The following MYO5C variants were observed in gnomAD, a reference collection of about 807,000 sequenced individuals.
The protein encoded by MYO5C is myosin VC, also known as unconventional myosin-Vc.
MYO5C carries 194 observed loss-of-function variants against 235.7 expected under a neutral mutation model. The ratio of observed to expected loss-of-function variants is 0.82; its 90% confidence interval spans 0.73 to 0.93. The LOEUF is 0.93. MYO5C is among the 40% of genes least tolerant of loss of function. The pLI, the probability that MYO5C is intolerant of heterozygous loss-of-function variation, is 0.00. For missense variants in MYO5C, 2,038 were observed against 2,127.2 expected (o/e 0.96, Z 0.82); for synonymous variants, 707 against 754.8 (o/e 0.94, Z 1.04).
At chr15:52,211,457 C>G (rs1371085066) in intron 35 of MYO5C, among the ~76,000 whole-genome samples, 1 of 152,210 alleles carries the variant, frequency 6.6e-6, no homozygotes, top group Non-Finnish European at 1.5e-5. Context: ...CTATACCCCT[C>G]ACAGCTGATA....
At chr15:52,254,431 A>AG (rs1252293002) in intron 11 of MYO5C, among the ~76,000 whole-genome samples, 1 of 152,092 alleles carries the variant, frequency 6.6e-6, no homozygotes, top group Non-Finnish European at 1.5e-5. Flanking sequence ...AGTCACGTGG[A>AG]GGGTAAGCGG....
Position 52,214,622 on chromosome 15 carries a change from T to C in MYO5C, c.4023A>G (p.Leu1341=), listed in dbSNP as rs764478558. 6.2e-7 allele frequency: 1 copy of C among 1,607,462 alleles called. No homozygotes were observed. The highest frequency in any genetic ancestry group is 8.5e-7 in the Non-Finnish European group (1 of 1,176,636). ...IKKLQDQVKT[L]SKTIGKANDV... is the part of the protein sequence containing the mutation. ...TCTTACCTTTTCCAATTGTCTTGCTTAGTGTCTTGACTTGATCTTGTAGCT... is the reference window on the plus strand; with the variant it reads ...TCTTACCTTTTCCAATTGTCTTGCTCAGTGTCTTGACTTGATCTTGTAGCT... Residue 1341 remains leucine, a synonymous_variant, in exon 33 of 41, where the codon CTA becomes CTG. Transcript: ENST00000261839.
chr15:52,224,971 C>T lies in MYO5C; in HGVS notation c.3376G>A (p.Glu1126Lys), dbSNP rs2035787623. ...IEDVRSRLSV[E>K]DLEHLNEDGE... ...TCCTCATTTAAATGTTCCAGATCTT[C>T]CACAGAGAGCCTGCAAAATAAGGAA... The change falls in exon 28 of 41, where the codon GAA becomes AAA. Residue 1126 changes from glutamate to lysine, a missense_variant. Transcript: ENST00000261839. 4 of 1,614,028 alleles carry T rather than the reference C, an allele frequency of 2.5e-6. No individual in the cohort carries two copies. Among genetic ancestry groups the T allele is most frequent in the Non-Finnish European group, 3.4e-6 (4 of 1,179,970 alleles).
chr15:52,273,425 G>C (rs1344154643), intron 5 of MYO5C, among the ~76,000 whole-genome samples: 1 of 152,196 alleles, frequency 6.6e-6, no homozygotes, highest in Non-Finnish European at 1.5e-5. Flanking sequence ...CTGAATGTTT[G>C]TGTCCTCTCA....
chr15:52,211,843 G>C lies in MYO5C; in HGVS notation c.4183C>G (p.Leu1395Val). 6.2e-7 allele frequency: 1 copy of C among 1,614,076 alleles called. No individual in the cohort carries two copies. Among genetic ancestry groups the C allele is most frequent in the Non-Finnish European group, 8.5e-7 (1 of 1,179,944 alleles). The change falls in exon 35 of 41, where the codon CTG becomes GTG. Residue 1395 changes from leucine to valine, a missense_variant. By Grantham distance (32) the Leu-to-Val change is conservative. Transcript: ENST00000261839. ...RGVVVNMIPG[L>V]PAHILFMCVR... ...CACATGAACAGGATATGAGCCGGCA[G>C]CCCGGGGATCATGTTCACCACCACG...
intron 12 of MYO5C, 31 bp from the exon 13 acceptor site, chr15:52,251,546 TA>T (rs1225212426): frequency 8.3e-6 from 13 of 1,569,092 alleles, no homozygotes; most frequent in Non-Finnish European, 1.1e-5. Flanking sequence ...AAATAGCAAG[TA>T]AGAAAACCAG....
chr15:52,208,421 G>A (rs1596140501), intron 36 of MYO5C, 133 bp downstream of exon 36: 1 of 735,924 alleles, frequency 1.4e-6, no homozygotes, highest in Non-Finnish European at 2.2e-6. Context: ...TGTGGTGTAT[G>A]CCCAAGAGTC....
At position 52,225,475 on chromosome 15, in the gene MYO5C, C is replaced by G; in HGVS notation, c.3265G>C (p.Glu1089Gln). The G allele has an allele frequency of 6.2e-7, 1 of 1,613,736 alleles. No homozygotes were observed. Among genetic ancestry groups the G allele is most frequent in the Non-Finnish European group, 8.5e-7 (1 of 1,179,878 alleles). Residue 1089 changes from glutamate to glutamine, a missense_variant, in exon 26 of 41, where the codon GAG becomes CAG. Physicochemically the swap from Glu to Gln is conservative, Grantham distance 29. Transcript: ENST00000261839. ...ELLQAQKIDVEKHVQSQKREM... is the reference protein window; with the variant it reads ...ELLQAQKIDVQKHVQSQKREM... ...CGTTTTTGTGACTGCACATGTTTCTCCACATCTATCTTCTGTGCCTGAAGT... is the reference window on the plus strand; with the variant it reads ...CGTTTTTGTGACTGCACATGTTTCTGCACATCTATCTTCTGTGCCTGAAGT...
In MYO5C at chr15:52,211,774, A is replaced by T. The variant is rs2035445757; in HGVS notation, c.4252T>A (p.Ser1418Thr). ...DSLNDANMLK[S>T]LMNSTINGIK... The stretch of plus-strand genomic sequence containing the variant: ...CCATTAATGGTGCTGTTCATGAGGG[A>T]CTTCAGCATGTTGGCATCATTCAGA... The change falls in exon 35 of 41, where the codon TCC becomes ACC. Residue 1418 changes from serine to threonine, a missense_variant. Transcript: ENST00000261839. 2 of 1,614,136 alleles carry T rather than the reference A, an allele frequency of 1.2e-6. No individual in the cohort carries two copies. Among genetic ancestry groups the T allele is most frequent in the East Asian group, 4.5e-5 (2 of 44,892 alleles).
intron 1 of MYO5C, among the ~76,000 whole-genome samples, chr15:52,285,649 T>C (rs1566995203): frequency 6.6e-6 from 1 of 152,208 alleles, no homozygotes. Flanking sequence ...TCATATTATT[T>C]TGGTGGAGAC....
chr15:52,246,099 T>C, intron 16 of MYO5C, 57 bp from the exon 17 acceptor site: 1 of 1,399,240 alleles, frequency 7.1e-7, no homozygotes, highest in Non-Finnish European at 1.0e-6. Flanking sequence ...AACATGCCCA[T>C]AAACAGGCAC....
Position 52,242,054 on chromosome 15 carries a change from A to T in MYO5C, c.2550T>A (p.Tyr850Ter). 1 of 1,610,654 alleles carries T rather than the reference A, an allele frequency of 6.2e-7. No homozygotes were observed. The highest frequency in any genetic ancestry group is 8.5e-7 in the Non-Finnish European group (1 of 1,178,312). ...YSRGFLARRRYRKMLEEHKAV... is the reference protein window; with the variant it reads ...YSRGFLARRR Reference sequence around the variant, plus strand: ...AGACAGAGGTTGGCCTCACCTTTCGATACCTCCTCCTTGCCAGGAATCCTC... The same window carrying T: ...AGACAGAGGTTGGCCTCACCTTTCGTTACCTCCTCCTTGCCAGGAATCCTC... Residue 850 changes from tyrosine to a stop codon, truncating the protein, a stop_gained, in exon 20 of 41, where the codon TAT becomes TAA. Coordinates refer to ENST00000261839, the MANE Select transcript of MYO5C (RefSeq NM_018728.4). LOFTEE classifies it high-confidence loss of function.
rs567005752 is a variant in MYO5C, at chr15:52,286,111, G to T, written c.28-3219C>A. ...CGTCTGAGAAGTGAGGAGCCCCTCC[G>T]CCCGGCAGCCGCACCCTCTGAGAAG... On this transcript the variant is annotated intron_variant, in intron 1 of 40. Transcript: ENST00000261839. Among the ~76,000 whole-genome samples, 4 of 150,900 alleles carry T rather than the reference G, an allele frequency of 2.7e-5. No homozygotes were observed. The East Asian group carries it at 7.9e-4, about 30-fold the overall frequency.
chr15:52,235,846 G>T, intron 22 of MYO5C, 83 bp from the exon 23 acceptor site: 1 of 847,004 alleles, frequency 1.2e-6, no homozygotes, highest in Non-Finnish European at 1.9e-6. Flanking sequence ...ACAAAAAGAT[G>T]TATATTCTTA....
Position 52,295,663 on chromosome 15 carries a change from G to A in MYO5C, c.-27C>T, listed in dbSNP as rs575379952. The A allele has an allele frequency of 8.0e-5, 114 of 1,416,824 alleles. No individual in the cohort carries two copies. The highest frequency in any genetic ancestry group is 5.7e-4 in the Admixed American group (18 of 31,744). The allele number at this position is 1,416,824 out of a possible 1,614,324, so 87.8% of individuals were successfully genotyped here. A position where few individuals can be genotyped will look rare whatever the true frequency, so the allele number is the denominator to read the frequency against. On this transcript the variant is annotated 5_prime_UTR_variant, in exon 1 of 41. Coordinates refer to ENST00000261839, the MANE Select transcript of MYO5C (RefSeq NM_018728.4). ...GGCAGGAGGGGCCGGGGCCAGGCCG[G>A]GGCTGCCGAACGTGCGAGGCTCGGG...
At position 52,208,567 on chromosome 15, in the gene MYO5C, T is replaced by C. The variant is rs756275486; in HGVS notation, c.4373A>G (p.Tyr1458Cys). The C allele has an allele frequency of 6.2e-7, 1 of 1,614,188 alleles. No individual in the cohort carries two copies. Among genetic ancestry groups the C allele is most frequent in the Non-Finnish European group, 8.5e-7 (1 of 1,180,006 alleles). ...TCHFLNCLKQYSGEEEFMKHN... is the reference protein window; with the variant it reads ...TCHFLNCLKQCSGEEEFMKHN... ...GGCGCCCCCTACCTCTTCTCCGCTGTACTGCTTCAGGCAATTGAGAAAATG... is the reference window on the plus strand; with the variant it reads ...GGCGCCCCCTACCTCTTCTCCGCTGCACTGCTTCAGGCAATTGAGAAAATG... Residue 1458 changes from tyrosine (Y) to cysteine (C), a missense_variant, in exon 36 of 41, where the codon TAC becomes TGC. Transcript: ENST00000261839.
intron 1 of MYO5C, among the ~76,000 whole-genome samples, chr15:52,284,763 T>G (rs1171394282): frequency 6.6e-6 from 1 of 151,928 alleles, no homozygotes; most frequent in Admixed American, 6.6e-5. Context: ...TGGGATACAA[T>G]GAATATGGTA....
chr15:52,286,179 AAG>A (rs1419969698), intron 1 of MYO5C, among the ~76,000 whole-genome samples: 3 of 146,820 alleles, frequency 2.0e-5, no homozygotes, highest in African/African-American at 7.7e-5. Flanking sequence ...CTGGGAGGAG[AAG>A]AGTGTCTCCG....
intron 24 of MYO5C, among the ~76,000 whole-genome samples, chr15:52,232,192 G>A (rs1420858049): frequency 2.1e-4 from 11 of 51,444 alleles, no homozygotes; most frequent in East Asian, 1.6e-3. Flanking sequence ...GGGAGGAAGG[G>A]AGGAAGGAAG....
Sources: gnomAD v4.1 joint callset for allele counts (sites outside exome capture counted in the v4.1 genomes callset) on GRCh38, gnomAD v4.1.1 for gene constraint, MANE v1.5 for transcripts, NCBI Gene and HGNC (gene_info 2026-07-23, HGNC 2026-07-21) for gene names.